SGCG: variants seen among roughly 807,000 people sequenced by gnomAD.
SGCG encodes the protein gamma-sarcoglycan.
A neutral mutation model predicts 29.3 loss-of-function variants in SGCG; 26 were observed. That is an observed-to-expected ratio of 0.89 (90% confidence interval 0.65 to 1.23). The LOEUF (loss-of-function observed/expected upper bound fraction) is 1.23, where lower values mean the gene tolerates loss of function less well. SGCG is among the 50% of genes most tolerant of loss of function. SGCG has a pLI of 0.00. For synonymous variants in SGCG, 145 were observed against 129.7 expected (o/e 1.12, Z -0.80); for missense variants, 353 against 356.0 (o/e 0.99, Z 0.07).
chr13:23,320,524 G>A, intron 6 of SGCG, 113 bp from the exon 7 acceptor site: 1 of 872,546 alleles, frequency 1.1e-6, no homozygotes, highest in Non-Finnish European at 1.8e-6. Flanking sequence ...AGAATGACTT[G>A]AAGACTTACA....
At chr13:23,204,339 T>G (rs1478211798) in intron 2 of SGCG, among the ~76,000 whole-genome samples, 2 of 152,204 alleles carry the variant, frequency 1.3e-5, no homozygotes, top group African/African-American at 4.8e-5. Flanking sequence ...CCTATGCTGA[T>G]GTACAGTAAA....
intron 1 of SGCG, among the ~76,000 whole-genome samples, chr13:23,202,108 C>T (rs1877791389): frequency 6.6e-6 from 1 of 152,204 alleles, no homozygotes; most frequent in Non-Finnish European, 1.5e-5. Flanking sequence ...AGTATCTACT[C>T]TTTGCTTCAG....
At chr13:23,187,847 G>A (rs1424938816) in intron 1 of SGCG, among the ~76,000 whole-genome samples, 2 of 152,226 alleles carry the variant, frequency 1.3e-5, no homozygotes, top group African/African-American at 4.8e-5. Flanking sequence ...CCAACACCCA[G>A]TAGCACTCGG....
chr13:23,264,575 A>C (rs1880568932), intron 4 of SGCG, among the ~76,000 whole-genome samples: 1 of 152,174 alleles, frequency 6.6e-6, no homozygotes, highest in Non-Finnish European at 1.5e-5. Flanking sequence ...AGGAAATATA[A>C]TCCTAAAATT....
chr13:23,235,967 T>G (rs1879292571), intron 3 of SGCG, among the ~76,000 whole-genome samples: 1 of 152,190 alleles, frequency 6.6e-6, no homozygotes, highest in African/African-American at 2.4e-5. Flanking sequence ...GACTAACACA[T>G]AAATATCACA....
At chr13:23,201,375 G>GAGA (rs1183082358) in intron 1 of SGCG, among the ~76,000 whole-genome samples, 2 of 151,718 alleles carry the variant, frequency 1.3e-5, no homozygotes, top group Non-Finnish European at 2.9e-5. Flanking sequence ...CGTGGAAGAG[G>GAGA]AGGCTCTGCA....
intron 4 of SGCG, among the ~76,000 whole-genome samples, chr13:23,277,644 A>G (rs944613735): frequency 2.6e-5 from 4 of 152,066 alleles, no homozygotes; most frequent in African/African-American, 9.7e-5. Flanking sequence ...TGTTAGGGTC[A>G]GAGGGGACAC....
chr13:23,225,780 T>TACACACACACACGCAC (rs1878870207), intron 2 of SGCG, among the ~76,000 whole-genome samples: 1 of 148,546 alleles, frequency 6.7e-6, no homozygotes, highest in African/African-American at 2.5e-5. Context: ...GGACATGTCA[T>TACACACACACACGCAC]ACACACACAC....
At position 23,250,642 on chromosome 13, in the gene SGCG, C is replaced by T. The variant is rs918581161; in HGVS notation, c.310C>T (p.Leu104Phe). 2 of 1,605,926 alleles carry T rather than the reference C, an allele frequency of 1.2e-6. No individual in the cohort carries two copies. Among genetic ancestry groups the T allele is most frequent in the South Asian group, 1.1e-5 (1 of 90,894 alleles). Residue 104 changes from leucine (L) to phenylalanine (F), a missense_variant, in exon 4 of 8, where the codon CTT (leucine) becomes TTT (phenylalanine). By Grantham distance (22) the Leu-to-Phe change is conservative (BLOSUM62 0). Coordinates refer to ENST00000218867, the MANE Select transcript of SGCG (RefSeq NM_000231.3). ...EIHSRVDSSL[L>F]LQSTQNVTVN... ...AATCTCTTTCTAGGACTCATCTCTGCTTCTACAATCAACCCAGAATGTGAC... is the reference window on the plus strand; with the variant it reads ...AATCTCTTTCTAGGACTCATCTCTGTTTCTACAATCAACCCAGAATGTGAC...
intron 3 of SGCG, among the ~76,000 whole-genome samples, chr13:23,235,480 C>T (rs1441847824): frequency 6.6e-6 from 1 of 152,042 alleles, no homozygotes; most frequent in Non-Finnish European, 1.5e-5. Context: ...GTAGATTCAG[C>T]ATTGTTATTA....
chr13:23,224,329 A>G (rs1349709184), intron 2 of SGCG, among the ~76,000 whole-genome samples: 1 of 152,186 alleles, frequency 6.6e-6, no homozygotes. Flanking sequence ...TGTTCTCTAC[A>G]TTATAGTATA....
chr13:23,276,307 A>AT (rs1226091191), intron 4 of SGCG, among the ~76,000 whole-genome samples: 8 of 151,830 alleles, frequency 5.3e-5, no homozygotes, highest in Admixed American at 5.2e-4. Context: ...TGCAGGGTCT[A>AT]TTTTTAATAA....
At chr13:23,258,776 A>G (rs1880303555) in intron 4 of SGCG, among the ~76,000 whole-genome samples, 1 of 152,140 alleles carries the variant, frequency 6.6e-6, no homozygotes, top group African/African-American at 2.4e-5. Flanking sequence ...AATTTTGTCG[A>G]AGGCCTTTTC....
At chr13:23,248,416 A>G (rs772858857) in intron 3 of SGCG, among the ~76,000 whole-genome samples, 2 of 152,172 alleles carry the variant, frequency 1.3e-5, no homozygotes, top group Admixed American at 6.5e-5. Context: ...AAAAAGCACA[A>G]TCTGGCCAGG....
At chr13:23,210,862 GA>G (rs1420066142) in intron 2 of SGCG, among the ~76,000 whole-genome samples, 2 of 152,094 alleles carry the variant, frequency 1.3e-5, no homozygotes, top group African/African-American at 4.8e-5. Context: ...TGAAGATCAG[GA>G]AAACCAACTC....
the SGCG span, among the ~76,000 whole-genome samples, chr13:23,162,030 CCTAG>C: frequency 1.3e-5 from 2 of 152,200 alleles, no homozygotes; most frequent in Non-Finnish European, 2.9e-5. Context: ...AGCTACATAG[CCTAG>C]CTAGTCTACA....
intron 6 of SGCG, among the ~76,000 whole-genome samples, chr13:23,310,328 T>G (rs535814221): frequency 6.6e-6 from 1 of 151,970 alleles, no homozygotes; most frequent in South Asian, 2.1e-4. Flanking sequence ...CCTCATGATC[T>G]GCCCGCCTCG....
At chr13:23,308,052 G>T (rs1371446640) in intron 6 of SGCG, among the ~76,000 whole-genome samples, 1 of 152,196 alleles carries the variant, frequency 6.6e-6, no homozygotes. Context: ...GATTGCTGAA[G>T]ATCGTGAATG....
At chr13:23,281,858 C>G (rs1015820690) in intron 5 of SGCG, among the ~76,000 whole-genome samples, 1 of 152,236 alleles carries the variant, frequency 6.6e-6, no homozygotes, top group African/African-American at 2.4e-5. Flanking sequence ...AGGCCCAGTT[C>G]CTAACAGGCC....
Sources: gnomAD v4.1 joint callset for allele counts (sites outside exome capture counted in the v4.1 genomes callset) on GRCh38, gnomAD v4.1.1 for gene constraint, MANE v1.5 for transcripts, NCBI Gene and HGNC (gene_info 2026-07-23, HGNC 2026-07-21) for gene names.